MACF1: variants seen among roughly 807,000 people sequenced by gnomAD.
MACF1 encodes the protein microtubule-actin cross-linking factor 1.
A neutral mutation model predicts 854.8 loss-of-function variants in MACF1; 193 were observed. That is an observed-to-expected ratio of 0.23 (90% CI 0.20 to 0.25). MACF1 has a LOEUF of 0.25. Ranked by LOEUF, MACF1 falls within the 10% of genes least tolerant of loss-of-function variation. MACF1 has a pLI of 1.00. For missense variants in MACF1, 7,722 were observed against 8,929.1 expected, an observed-to-expected ratio of 0.86 and a Z score of 5.45; for synonymous variants, 3,185 against 3,226.7, an observed-to-expected ratio of 0.99 and a Z score of 0.44.
intron 52 of MACF1, among the ~76,000 whole-genome samples, chr1:39,373,650 C>A (rs922425100): frequency 1.3e-5 from 2 of 150,698 alleles, no homozygotes; most frequent in Non-Finnish European, 3.0e-5. Context: ...GTCGGGAGTT[C>A]AAGACCAGCC....
At chr1:39,249,432 T>G (rs530624803) in intron 2 of MACF1, among the ~76,000 whole-genome samples, 29 of 152,366 alleles carry the variant, frequency 1.9e-4, no homozygotes, top group African/African-American at 6.5e-4. Flanking sequence ...AGTACCATGT[T>G]TGATATTAAC....
chr1:39,388,128 G>A lies in MACF1; in HGVS notation c.15286G>A (p.Ala5096Thr), dbSNP rs6691379. ...TCAACTTCTCCACCAAGCTGAGGTCGCCCAGCAAGAGTTCCTCGAAGTTAA... is the reference window on the plus strand; with the variant it reads ...TCAACTTCTCCACCAAGCTGAGGTCACCCAGCAAGAGTTCCTCGAAGTTAA... ...ASQLLHQAEV[A>T]QQEFLEVKQR... is the part of the protein sequence containing the mutation. Residue 5096 changes from alanine to threonine, a missense_variant, in exon 58 of 101, where the codon GCC becomes ACC. Physicochemically the swap from Ala to Thr is moderately conservative, Grantham distance 58 (BLOSUM62 0). Around this residue, in one of 15 missense-constraint regions of MACF1, gnomAD observed 2,807 missense variants for 3,235.8 expected, o/e 0.87. Transcript: ENST00000564288. 3,091 of 1,614,080 alleles carry A rather than the reference G, an allele frequency of 1.9e-3. 58 individuals carry two copies. The African/African-American group carries it at 0.036, about 19-fold the overall frequency.
chr1:39,188,000 T>C (rs1338604601), intron 2 of MACF1, among the ~76,000 whole-genome samples: 4 of 128,534 alleles, frequency 3.1e-5, no homozygotes, highest in African/African-American at 8.7e-5. Context: ...CCCCTCCCCT[T>C]CCCTTCCCTT....
In MACF1 at chr1:39,447,912, G is replaced by C. The variant is rs377764527; in HGVS notation, c.19968+14G>C. On this transcript the variant is annotated intron_variant, in intron 82 of 100. Coordinates refer to ENST00000564288, the MANE Select transcript of MACF1 (RefSeq NM_001394062.1). ...CGGGCAAAACAAGTAAGTTGGGGAA[G>C]AAAGATACTAATTCACTGAAGAGTC... The C allele has an allele frequency of 4.0e-5, 64 of 1,613,556 alleles. No individual in the cohort carries two copies. The highest frequency in any genetic ancestry group is 5.2e-5 in the Non-Finnish European group (61 of 1,179,802).
At chr1:39,277,886 A>G (rs1041322433) in intron 6 of MACF1, among the ~76,000 whole-genome samples, 2 of 152,226 alleles carry the variant, frequency 1.3e-5, no homozygotes, top group East Asian at 3.8e-4. Flanking sequence ...TATTAACAGT[A>G]TAAGTAAGTG....
chr1:39,433,988 G>A (rs2148655296), intron 68 of MACF1, among the ~76,000 whole-genome samples: 1 of 152,262 alleles, frequency 6.6e-6, no homozygotes, highest in East Asian at 1.9e-4. Context: ...GCTGAGGCAG[G>A]AGAATCCCTT....
chr1:39,411,217 G>C, intron 58 of MACF1: 1 of 1,613,836 alleles, frequency 6.2e-7, no homozygotes, highest in Non-Finnish European at 8.5e-7. Flanking sequence ...AACAGAGTCT[G>C]AGCTAAAGTT....
intron 15 of MACF1, among the ~76,000 whole-genome samples, chr1:39,288,678 C>T (rs1292545370): frequency 6.6e-6 from 1 of 151,988 alleles, no homozygotes; most frequent in Non-Finnish European, 1.5e-5. Flanking sequence ...GTGGTCCCAG[C>T]TACTTGGGAG....
At chr1:39,477,519 A>G (rs1037337745) in intron 97 of MACF1, among the ~76,000 whole-genome samples, 1 of 152,062 alleles carries the variant, frequency 6.6e-6, no homozygotes. Flanking sequence ...CACCACACCC[A>G]GCCATTAAGC....
At chr1:39,314,583 A>G (rs1029489656) in intron 26 of MACF1, among the ~76,000 whole-genome samples, 1 of 150,652 alleles carries the variant, frequency 6.6e-6, no homozygotes, top group Non-Finnish European at 1.5e-5. Flanking sequence ...ACACACACAC[A>G]CACACACACA....
At chr1:39,274,586 G>A (rs1327303586) in intron 6 of MACF1, among the ~76,000 whole-genome samples, 2 of 152,166 alleles carry the variant, frequency 1.3e-5, no homozygotes, top group Non-Finnish European at 2.9e-5. Flanking sequence ...TTGTATCTGG[G>A]ACTTGAGCAT....
intron 26 of MACF1, among the ~76,000 whole-genome samples, chr1:39,313,111 A>G (rs978815182): frequency 1.3e-5 from 2 of 152,130 alleles, no homozygotes; most frequent in African/African-American, 4.8e-5. Context: ...TTGTAGAATA[A>G]ATGTAGAATA....
intron 29 of MACF1, among the ~76,000 whole-genome samples, chr1:39,318,195 G>T (rs763972501): frequency 1.3e-5 from 2 of 152,070 alleles, no homozygotes; most frequent in African/African-American, 2.4e-5. Flanking sequence ...ATTTGACAAG[G>T]ATTATTGTGG....
At chr1:39,432,936 A>T (rs1208185522) in intron 67 of MACF1, 112 bp from the exon 68 acceptor site, 1 of 690,890 alleles carries the variant, frequency 1.4e-6, no homozygotes, top group Non-Finnish European at 2.4e-6. Context: ...GCAAAGTGTC[A>T]AACTGTATAA....
intron 1 of MACF1, among the ~76,000 whole-genome samples, chr1:39,219,664 A>G (rs533269941): frequency 6.6e-5 from 10 of 152,356 alleles, no homozygotes; most frequent in African/African-American, 2.4e-4. Flanking sequence ...GTGGTTCAAA[A>G]TCCCCAGGAT....
chr1:39,317,294 A>C lies in MACF1; in HGVS notation c.3669A>C (p.Ala1223=). The change falls in exon 29 of 101, where the codon GCA becomes GCC. Residue 1223 remains alanine (A), a synonymous_variant. Coordinates refer to ENST00000564288, the MANE Select transcript of MACF1 (RefSeq NM_001394062.1). ...AAATTGCCAAGGCCAAGGTAGTGGC[A>C]GAGCAGATGAGTCGTCTGACACCAG... ...DEEIAKAKVV[A]EQMSRLTPER... is the part of the protein sequence containing the mutation. The C allele has an allele frequency of 1.9e-6, 3 of 1,614,136 alleles. No individual in the cohort carries two copies. Among genetic ancestry groups the C allele is most frequent in the South Asian group, 1.1e-5 (1 of 91,078 alleles).
chr1:39,171,408 C>A (rs563838603), intron 2 of MACF1, among the ~76,000 whole-genome samples: 113 of 152,206 alleles, frequency 7.4e-4, no homozygotes, highest in African/African-American at 2.7e-3. Context: ...AAATGGAAAT[C>A]CCATATCCAT....
Position 39,335,551 on chromosome 1 carries a change from C to A in MACF1, c.8963C>A (p.Thr2988Lys), listed in dbSNP as rs371273485. ...GTGATTGTAGAAGAAAGTATCAGAACATGCAAACCAGCATTTCTTTCTGAA... is the reference window on the plus strand; with the variant it reads ...GTGATTGTAGAAGAAAGTATCAGAAAATGCAAACCAGCATTTCTTTCTGAA... ...REVIVEESIR[T>K]CKPAFLSEEK... The change falls in exon 37 of 101, where the codon ACA (threonine) becomes AAA (lysine). Residue 2988 changes from threonine to lysine, a missense_variant. Physicochemically the swap from Thr to Lys is moderately conservative, Grantham distance 78. Coordinates refer to ENST00000564288, the MANE Select transcript of MACF1 (RefSeq NM_001394062.1). The A allele has an allele frequency of 9.3e-6, 15 of 1,614,038 alleles. No homozygotes were observed. The East Asian group carries it at 2.5e-4, about 26-fold the overall frequency.
At chr1:39,354,163 C>T (rs1381013178) in intron 44 of MACF1, among the ~76,000 whole-genome samples, 6 of 152,132 alleles carry the variant, frequency 3.9e-5, no homozygotes, top group African/African-American at 7.2e-5. Context: ...TATATTGATT[C>T]CTTTCAGTTT....
Sources: gnomAD v4.1 joint callset for allele counts (sites outside exome capture counted in the v4.1 genomes callset) on GRCh38, gnomAD v4.1.1 for gene constraint, gnomAD v4.1.1 regional missense constraint, MANE v1.5 for transcripts, NCBI Gene and HGNC (gene_info 2026-07-23, HGNC 2026-07-21) for gene names.